RRAGD: variants seen among roughly 807,000 people sequenced by gnomAD.
The protein encoded by RRAGD is Ras related GTP binding D, also known as ras-related GTP-binding protein D.
In RRAGD, 12 loss-of-function variants were observed where a neutral mutation model predicts 35.5. The observed-to-expected ratio is 0.34, with a 90% CI of 0.22 to 0.55. The LOEUF (loss-of-function observed/expected upper bound fraction) is 0.55. Ranked by LOEUF, RRAGD falls within the 20% of genes least tolerant of loss-of-function variation. The probability of loss-of-function intolerance (pLI) is 0.91; values close to 1 mark genes in which losing one functional copy is unlikely to be tolerated. For synonymous variants in RRAGD, 155 were observed against 178.9 expected (o/e 0.87, Z 1.07); for missense variants, 324 against 490.1 (o/e 0.66, Z 3.20).
Position 89,411,928 on chromosome 6 carries a change from C to T in RRAGD, c.66G>A (p.Glu22=), listed in dbSNP as rs756564780. 5.1e-5 allele frequency: 73 copies of T among 1,425,586 alleles called. No homozygotes were observed. The South Asian group carries it at 8.6e-4, about 17-fold the overall frequency. 88.3% of individuals were successfully genotyped at this position (1,425,586 alleles called of 1,614,324 possible). The change falls in exon 1 of 7, where the codon GAG becomes GAA. Residue 22 remains glutamate, a synonymous_variant. Transcript: ENST00000369415. This position sits in a 1 kb window ranked among gnomAD's most constrained non-coding sequence, Gnocchi z 5.6. ...DEDDAEEEEE[E]DELVGLADYG... is the part of the protein sequence containing the mutation. ...AGTCCGCTAGCCCCACCAGCTCATCCTCCTCCTCCTCCTCCTCCGCGTCGT... is the reference window on the plus strand; with the variant it reads ...AGTCCGCTAGCCCCACCAGCTCATCTTCCTCCTCCTCCTCCTCCGCGTCGT...
chr6:89,410,390 G>T (rs1446414770), intron 1 of RRAGD, among the ~76,000 whole-genome samples: 2 of 152,160 alleles, frequency 1.3e-5, no homozygotes, highest in African/African-American at 4.8e-5. Flanking sequence ...TAAGAATCTG[G>T]GAGGAGCTAA....
In RRAGD at chr6:89,412,098, A is replaced by G. The variant is rs1270466791; in HGVS notation, c.-105T>C. On this transcript the variant is annotated 5_prime_UTR_variant, in exon 1 of 7. Coordinates refer to ENST00000369415, the MANE Select transcript of RRAGD (RefSeq NM_021244.5). The surrounding 1 kb of genome is among the most constrained non-coding windows in gnomAD (Gnocchi z 4.2). Reference sequence around the variant, plus strand: ...CTATTTCTGAAGCGGAGGTTTGTCTAGAGCTCAGCGGGGCCCGGCGGAAGC... The same window carrying G: ...CTATTTCTGAAGCGGAGGTTTGTCTGGAGCTCAGCGGGGCCCGGCGGAAGC... 22 of 1,174,706 alleles carry G rather than the reference A, an allele frequency of 1.9e-5. No individual in the cohort carries two copies. Among genetic ancestry groups the G allele is most frequent in the Non-Finnish European group, 2.2e-5 (20 of 896,850 alleles). The allele number at this position is 1,174,706 out of a possible 1,614,324, so 72.8% of individuals were successfully genotyped here.
Position 89,411,397 on chromosome 6 carries a change from G to GAA in RRAGD, c.148+448_148+449insTT. 6.5e-6 allele frequency: 1 copy of GAA among 154,052 alleles called. No individual in the cohort carries two copies. Among genetic ancestry groups the GAA allele is most frequent in the South Asian group, 2.1e-4 (1 of 4,878 alleles). 9.5% of individuals were successfully genotyped at this position (154,052 alleles called of 1,614,324 possible). On this transcript the variant is annotated intron_variant, in intron 1 of 6. Coordinates refer to ENST00000369415, the MANE Select transcript of RRAGD (RefSeq NM_021244.5). The surrounding 1 kb of genome is among the most constrained non-coding windows in gnomAD (Gnocchi z 5.6). Reference sequence around the variant, plus strand: ...GACACCCGCAGCTGCCGACGACCCTGCCAGTCACGCCGCCGCCGGCTGCCT... The same window carrying GAA: ...GACACCCGCAGCTGCCGACGACCCTGAACCAGTCACGCCGCCGCCGGCTGCCT...
At chr6:89,394,397 C>T (rs915643554) in intron 1 of RRAGD, among the ~76,000 whole-genome samples, 4 of 151,880 alleles carry the variant, frequency 2.6e-5, no homozygotes, top group African/African-American at 4.8e-5. Flanking sequence ...ATCAACAACA[C>T]AGATATGAGA....
chr6:89,398,141 A>C (rs1181876728), intron 1 of RRAGD, among the ~76,000 whole-genome samples: 3 of 151,754 alleles, frequency 2.0e-5, no homozygotes, highest in African/African-American at 7.3e-5. Context: ...GCAAAACTCC[A>C]TCTCAAAAAA....
intron 1 of RRAGD, among the ~76,000 whole-genome samples, chr6:89,403,972 A>C (rs547629864): frequency 3.3e-5 from 5 of 152,116 alleles, no homozygotes; most frequent in African/African-American, 9.6e-5. Context: ...CTTGATTTAA[A>C]TCTTTATTCT....
chr6:89,376,666 C>A (rs934906775), intron 5 of RRAGD, among the ~76,000 whole-genome samples: 4 of 152,046 alleles, frequency 2.6e-5, no homozygotes, highest in African/African-American at 9.7e-5. Context: ...TAATCAGTTT[C>A]CCCCACTCCT....
At chr6:89,370,901 ATTGT>A (rs1562442331) in intron 6 of RRAGD, among the ~76,000 whole-genome samples, 1 of 152,098 alleles carries the variant, frequency 6.6e-6, no homozygotes, top group Non-Finnish European at 1.5e-5. Context: ...ATCGATAATT[ATTGT>A]TTTTTTGCTA....
At chr6:89,399,161 C>T (rs542490113) in intron 1 of RRAGD, among the ~76,000 whole-genome samples, 7 of 152,196 alleles carry the variant, frequency 4.6e-5, no homozygotes, top group African/African-American at 1.2e-4. Flanking sequence ...TGATCATCCA[C>T]GCTGATGACC....
At chr6:89,388,774 A>G (rs1769179667) in intron 1 of RRAGD, among the ~76,000 whole-genome samples, 1 of 152,204 alleles carries the variant, frequency 6.6e-6, no homozygotes, top group African/African-American at 2.4e-5. Flanking sequence ...ATAATTCTCA[A>G]GTCACCATAA....
intron 4 of RRAGD, among the ~76,000 whole-genome samples, chr6:89,379,017 A>G (rs1299725915): frequency 1.3e-5 from 2 of 152,186 alleles, no homozygotes; most frequent in Admixed American, 1.3e-4. Flanking sequence ...TAACGCCTCA[A>G]CCTCCCAAAG....
In RRAGD at chr6:89,412,204, C is replaced by T. The variant is rs1769721452; in HGVS notation, c.-211G>A. On this transcript the variant is annotated 5_prime_UTR_variant, in exon 1 of 7. Coordinates refer to ENST00000369415, the MANE Select transcript of RRAGD (RefSeq NM_021244.5). The surrounding 1 kb of genome is among the most constrained non-coding windows in gnomAD (Gnocchi z 4.2). ...GCGCGCCCGAAGCCCCCTCCCCCGC[C>T]CCGCCCGCCGGCGGAGGAGTCAGCC... 3.1e-6 allele frequency: 1 copy of T among 318,524 alleles called. No individual in the cohort carries two copies. The highest frequency in any genetic ancestry group is 2.2e-5 in the African/African-American group (1 of 45,592). 19.7% of individuals were successfully genotyped at this position (318,524 alleles called of 1,614,324 possible). A position where few individuals can be genotyped will look rare whatever the true frequency, so the allele number is the denominator to read the frequency against.
intron 5 of RRAGD, among the ~76,000 whole-genome samples, chr6:89,373,119 G>A (rs865952126): frequency 6.6e-6 from 1 of 152,310 alleles, no homozygotes; most frequent in Middle Eastern, 3.4e-3. Context: ...TTGCTGAACT[G>A]TGAACTGGTT....
At position 89,407,702 on chromosome 6, in the gene RRAGD, T is replaced by C. The variant is rs527525650; in HGVS notation, c.148+4144A>G. Among the ~76,000 whole-genome samples, 17 of 152,102 alleles carry C rather than the reference T, an allele frequency of 1.1e-4. No homozygotes were observed. In the South Asian group the frequency reaches 2.9e-3, roughly 26 times the overall value. On this transcript the variant is annotated intron_variant, in intron 1 of 6. Transcript: ENST00000369415. ...CGAAGTGTCTGTGCTAAAAGTGAAA[T>C]TGATTGTCACCAGCATTTACTATGG...
chr6:89,387,614 T>C (rs1769158762), intron 1 of RRAGD, 24 bp from the exon 2 acceptor site: 8 of 1,596,216 alleles, frequency 5.0e-6, no homozygotes, highest in Non-Finnish European at 5.1e-6. Context: ...AAAATGAGAA[T>C]GAAGGTGAGA....
intron 1 of RRAGD, among the ~76,000 whole-genome samples, chr6:89,393,205 A>G (rs1299486965): frequency 1.3e-5 from 2 of 152,246 alleles, no homozygotes; most frequent in African/African-American, 4.8e-5. Flanking sequence ...TAAGTTTGAA[A>G]CAAAAAGGAG....
chr6:89,383,677 A>C (rs1410041147), intron 2 of RRAGD, among the ~76,000 whole-genome samples: 1 of 151,724 alleles, frequency 6.6e-6, no homozygotes, highest in Admixed American at 6.6e-5. Flanking sequence ...CATGGGAACC[A>C]CTCTTGCTTT....
chr6:89,398,354 TA>T (rs1364561428), intron 1 of RRAGD, among the ~76,000 whole-genome samples: 1 of 152,268 alleles, frequency 6.6e-6, no homozygotes, highest in Middle Eastern at 3.4e-3. Flanking sequence ...ACAGCTGTCA[TA>T]AAAAAATGTA....
chr6:89,391,956 C>CAAA (rs5878093), intron 1 of RRAGD, among the ~76,000 whole-genome samples: 25,289 of 98,536 alleles, frequency 0.26, 3,106 homozygotes, highest in Non-Finnish European at 0.31. Context: ...GACCCTATCT[C>CAAA]AAAAAAAAAA....
Sources: allele counts gnomAD v4.1 joint callset (sites outside exome capture counted in the v4.1 genomes callset), GRCh38; gene constraint gnomAD v4.1.1; non-coding constraint Gnocchi (gnomAD v3.1); transcripts MANE v1.5; gene names NCBI Gene and HGNC (gene_info 2026-07-23, HGNC 2026-07-21).